Variants in FRAS1 observed in about 807,000 individuals in gnomAD.
FRAS1 encodes the protein Fraser extracellular matrix complex subunit 1, also known as extracellular matrix organizing protein FRAS1.
In FRAS1, 290 loss-of-function variants were observed where a neutral mutation model predicts 435.2. The observed-to-expected ratio is 0.67, with a 90% CI of 0.61 to 0.73. The LOEUF is 0.73. FRAS1 is among the 30% of genes least tolerant of loss of function. The pLI is 0.00. For missense variants in FRAS1, 4,860 were observed against 5,001.5 expected (o/e 0.97, Z 0.85); for synonymous variants, 1,800 against 1,851.0 (o/e 0.97, Z 0.71).
intron 26 of FRAS1, among the ~76,000 whole-genome samples, chr4:78,377,877 A>C (rs1039639159): frequency 2.2e-4 from 33 of 151,342 alleles, no homozygotes; most frequent in African/African-American, 8.1e-4. Context: ...CCCAACTGTC[A>C]GTATTGTTTT....
At chr4:78,155,586 C>T (rs1720850579) in intron 2 of FRAS1, among the ~76,000 whole-genome samples, 1 of 152,186 alleles carries the variant, frequency 6.6e-6, no homozygotes, top group Non-Finnish European at 1.5e-5. Context: ...TTTTCTAATA[C>T]AGAAACCCGT....
intron 2 of FRAS1, chr4:78,068,689 G>A (rs1740181269): frequency 2.5e-6 from 1 of 397,650 alleles, no homozygotes; most frequent in Non-Finnish European, 5.0e-6. Flanking sequence ...ACTCCATAGG[G>A]GTGAGTCACT....
intron 2 of FRAS1, among the ~76,000 whole-genome samples, chr4:78,216,713 A>G (rs1054773106): frequency 6.6e-6 from 1 of 152,178 alleles, no homozygotes; most frequent in African/African-American, 2.4e-5. Context: ...TTTTAGTGCC[A>G]TGAAGCGAAA....
At position 78,318,363 on chromosome 4, in the gene FRAS1, T is replaced by G. The variant is rs184546075; in HGVS notation, c.1961-447T>G. Among the ~76,000 whole-genome samples the G allele has an allele frequency of 4.6e-5, 7 of 152,354 alleles. No homozygotes were observed. The East Asian group carries it at 1.3e-3, about 29-fold the overall frequency. On this transcript the variant is annotated intron_variant, in intron 17 of 73. Coordinates refer to ENST00000512123, the MANE Select transcript of FRAS1 (RefSeq NM_025074.7). ...GAGGAATTTGTTGCCTGGACCCCTATGTAGTGGGTGTTGGATGACTCATGG... is the reference window on the plus strand; with the variant it reads ...GAGGAATTTGTTGCCTGGACCCCTAGGTAGTGGGTGTTGGATGACTCATGG...
chr4:78,441,534 C>CCCTTCACAGTG (rs1734659624), intron 41 of FRAS1, among the ~76,000 whole-genome samples: 1 of 152,170 alleles, frequency 6.6e-6, no homozygotes, highest in Non-Finnish European at 1.5e-5. Flanking sequence ...AAAACCCCCT[C>CCCTTCACAGTG]CCTTCACAGT....
At position 78,513,563 on chromosome 4, in the gene FRAS1, C is replaced by T; in HGVS notation, c.10174+11C>T. 2.5e-6 allele frequency: 4 copies of T among 1,612,118 alleles called. No homozygotes were observed. Among genetic ancestry groups the T allele is most frequent in the Non-Finnish European group, 1.7e-6 (2 of 1,178,970 alleles). On this transcript the variant is annotated intron_variant, in intron 65 of 73. Transcript: ENST00000512123. ...TGAGAGGCATCTCAGGTGAGATTGACAAGTTCAGGACTGGTCTTTCCATGC... is the reference window on the plus strand; with the variant it reads ...TGAGAGGCATCTCAGGTGAGATTGATAAGTTCAGGACTGGTCTTTCCATGC...
chr4:78,309,600 A>T (rs1206954473), intron 15 of FRAS1, among the ~76,000 whole-genome samples: 2 of 152,206 alleles, frequency 1.3e-5, no homozygotes, highest in Non-Finnish European at 2.9e-5. Context: ...CTGGGCCTTA[A>T]CTGCCTGTGA....
chr4:78,335,336 C>T (rs1486121615), intron 19 of FRAS1, among the ~76,000 whole-genome samples: 3 of 152,182 alleles, frequency 2.0e-5, no homozygotes, highest in Non-Finnish European at 4.4e-5. Context: ...GGCCTCTTCT[C>T]GTGGCTAATT....
At chr4:78,229,026 A>T (rs967144186) in intron 2 of FRAS1, among the ~76,000 whole-genome samples, 20 of 152,138 alleles carry the variant, frequency 1.3e-4, no homozygotes, top group African/African-American at 4.1e-4. Flanking sequence ...TTGCTACCTG[A>T]CTTAGTGTGG....
At chr4:78,516,420 G>T (rs1478791746) in intron 66 of FRAS1, among the ~76,000 whole-genome samples, 1 of 152,178 alleles carries the variant, frequency 6.6e-6, no homozygotes, top group African/African-American at 2.4e-5. Context: ...TCTTTCAGAA[G>T]ATAAGAAGAG....
At chr4:78,147,853 G>A (rs1225054766) in intron 2 of FRAS1, among the ~76,000 whole-genome samples, 1 of 152,170 alleles carries the variant, frequency 6.6e-6, no homozygotes, top group Non-Finnish European at 1.5e-5. Context: ...GAAAGGCTGA[G>A]CATTAGTTGG....
intron 2 of FRAS1, among the ~76,000 whole-genome samples, chr4:78,193,839 G>A (rs1306586756): frequency 3.3e-5 from 5 of 152,164 alleles, no homozygotes; most frequent in African/African-American, 4.8e-5. Context: ...TATTTTGCTT[G>A]TTAGTTGATG....
At chr4:78,163,886 A>C (rs1465825596) in intron 2 of FRAS1, among the ~76,000 whole-genome samples, 1 of 152,216 alleles carries the variant, frequency 6.6e-6, no homozygotes, top group African/African-American at 2.4e-5. Flanking sequence ...GTGCAGGGAC[A>C]TGAAAGGAGT....
At chr4:78,537,466 C>A (rs1225725461) in intron 72 of FRAS1, among the ~76,000 whole-genome samples, 1 of 152,188 alleles carries the variant, frequency 6.6e-6, no homozygotes, top group Non-Finnish European at 1.5e-5. Context: ...CCTGGAGTGT[C>A]CCCATACTCT....
In FRAS1 at chr4:78,539,811, A is replaced by C. The variant is rs554590375; in HGVS notation, c.11445+371A>C. ...TTAAAAAATCATAATACAATACAGC[A>C]ATTTAGAATAGCAAGAATTACTATT... On this transcript the variant is annotated intron_variant, in intron 73 of 73. Transcript: ENST00000512123. 2.6e-5 allele frequency among the ~76,000 whole-genome samples: 4 copies of C among 152,344 alleles called. No individual in the cohort carries two copies. The East Asian group carries it at 7.7e-4, about 29-fold the overall frequency.
chr4:78,082,557 T>C (rs1740944117), intron 2 of FRAS1, among the ~76,000 whole-genome samples: 1 of 152,076 alleles, frequency 6.6e-6, no homozygotes, highest in African/African-American at 2.4e-5. Flanking sequence ...GAATGGGGCT[T>C]TTTTTTCTTC....
At position 78,429,236 on chromosome 4, in the gene FRAS1, G is replaced by T. The variant is rs374407421; in HGVS notation, c.4843+10G>T. Reference sequence around the variant, plus strand: ...GGCAGCACTTCTGTAGGTAAGAACTGGGAGCCTGATAGAAACATGGCTTTG... The same window carrying T: ...GGCAGCACTTCTGTAGGTAAGAACTTGGAGCCTGATAGAAACATGGCTTTG... On this transcript the variant is annotated intron_variant, in intron 36 of 73. Transcript: ENST00000512123. 2.5e-6 allele frequency: 4 copies of T among 1,602,042 alleles called. No homozygotes were observed. Among genetic ancestry groups the T allele is most frequent in the Middle Eastern group, 1.7e-4 (1 of 6,034 alleles).
chr4:78,123,695 C>A (rs1484130625), intron 2 of FRAS1, among the ~76,000 whole-genome samples: 1 of 152,162 alleles, frequency 6.6e-6, no homozygotes, highest in African/African-American at 2.4e-5. Flanking sequence ...TCCTTCACAT[C>A]CCTTTTAAGT....
At chr4:78,513,153 A>G (rs1456996764) in intron 64 of FRAS1, among the ~76,000 whole-genome samples, 2 of 152,002 alleles carry the variant, frequency 1.3e-5, no homozygotes, top group Non-Finnish European at 2.9e-5. Flanking sequence ...ATAGAAAAAA[A>G]ATCTATAATT....
Sources: allele counts gnomAD v4.1 joint callset (sites outside exome capture counted in the v4.1 genomes callset), GRCh38; gene constraint gnomAD v4.1.1; transcripts MANE v1.5; gene names NCBI Gene and HGNC (gene_info 2026-07-23, HGNC 2026-07-21).